Variants in DIMT1 observed in about 807,000 individuals in gnomAD.
DIMT1 encodes the protein dimethyladenosine transferase.
In DIMT1, 36 loss-of-function variants were observed where a neutral mutation model predicts 43.2. The observed-to-expected ratio is 0.83, with a 90% confidence interval of 0.64 to 1.10. The LOEUF (loss-of-function observed/expected upper bound fraction) is 1.10. Ranked by LOEUF, DIMT1 falls within the 50% of genes least tolerant of loss-of-function variation. The pLI is 0.00. For missense variants in DIMT1, 341 were observed against 385.3 expected, an observed-to-expected ratio of 0.88 and a Z score of 0.96; for synonymous variants, 126 against 130.3, an observed-to-expected ratio of 0.97 and a Z score of 0.22.
chr5:62,389,157 T>C (rs1292776942), intron 11 of DIMT1, 105 bp from the exon 12 acceptor site: 2 of 977,696 alleles, frequency 2.0e-6, no homozygotes, highest in Non-Finnish European at 3.1e-6. Context: ...ACAGCATGCT[T>C]ACAGAGCCCA....
At chr5:62,393,071 TAATATATACAATTGAAGG>T in intron 8 of DIMT1, 81 bp from the exon 9 acceptor site, 1 of 884,430 alleles carries the variant, frequency 1.1e-6, no homozygotes, top group Non-Finnish European at 1.8e-6. Flanking sequence ...TTTTGTCTTT[TAATATATACAATTGAAGG>T]AAACTTTCTG....
chr5:62,392,070 T>C (rs1340332717), intron 10 of DIMT1, 101 bp downstream of exon 10: 8 of 1,601,920 alleles, frequency 5.0e-6, no homozygotes, highest in South Asian at 1.1e-5. Context: ...AAGGATCTTA[T>C]GGAATGTACA....
rs16890718 is a variant in DIMT1 at position 62,391,836 on chromosome 5, T to C, written c.792+335A>G. The C allele has an allele frequency of 3.2e-3, 4,631 of 1,455,492 alleles. 129 individuals carry two copies. In the African/African-American group the frequency reaches 0.059, roughly 19 times the overall value. The allele number at this position is 1,455,492 out of a possible 1,614,324, so 90.2% of individuals were successfully genotyped here. A position where few individuals can be genotyped will look rare whatever the true frequency, so the allele number is the denominator to read the frequency against. On this transcript the variant is annotated intron_variant, in intron 10 of 11. Transcript: ENST00000199320. Reference sequence around the variant, plus strand: ...GGTCACAATTCAGAGGACAGTAAACTACACAATTATTTTAAGTTGTGCAAG... The same window carrying C: ...GGTCACAATTCAGAGGACAGTAAACCACACAATTATTTTAAGTTGTGCAAG...
rs774909142 is a variant in DIMT1 at position 62,403,808 on chromosome 5, AAGG to A, written c.-39_-37del. 2.0e-5 allele frequency: 32 copies of A among 1,599,318 alleles called. No homozygotes were observed. Among genetic ancestry groups the A allele is most frequent in the Non-Finnish European group, 2.6e-5 (31 of 1,172,950 alleles). ...AGCGGGCCCACAGGCCCGGGACGTCAAGGAGGACCAAAGAGGGCTAGCGTGAGA... is the reference window on the plus strand; with the variant it reads ...AGCGGGCCCACAGGCCCGGGACGTCAAGGACCAAAGAGGGCTAGCGTGAGA... On this transcript the variant is annotated 5_prime_UTR_variant, in exon 1 of 12. Coordinates refer to ENST00000199320, the MANE Select transcript of DIMT1 (RefSeq NM_014473.4).
intron 11 of DIMT1, among the ~76,000 whole-genome samples, chr5:62,389,532 A>G (rs190295071): frequency 3.7e-4 from 56 of 150,612 alleles, no homozygotes; most frequent in Non-Finnish European, 1.3e-4. Flanking sequence ...AATTTATAAG[A>G]TATGTATTGG....
At position 62,388,928 on chromosome 5, in the gene DIMT1, G is replaced by C; in HGVS notation, c.*82C>G. The C allele has an allele frequency of 7.6e-7, 1 of 1,320,456 alleles. No homozygotes were observed. The highest frequency in any genetic ancestry group is 1.1e-6 in the Non-Finnish European group (1 of 933,478). 81.8% of individuals were successfully genotyped at this position (1,320,456 alleles called of 1,614,324 possible). A position where few individuals can be genotyped will look rare whatever the true frequency, so the allele number is the denominator to read the frequency against. On this transcript the variant is annotated 3_prime_UTR_variant, in exon 12 of 12. Coordinates refer to ENST00000199320, the MANE Select transcript of DIMT1 (RefSeq NM_014473.4). Reference sequence around the variant, plus strand: ...GTCAAGTAAATAATGTCTCAGTAAAGCAAAAGCATTATCTTCTCAAATACA... The same window carrying C: ...GTCAAGTAAATAATGTCTCAGTAAACCAAAAGCATTATCTTCTCAAATACA...
At chr5:62,399,249 C>A (rs1037317623) in intron 3 of DIMT1, among the ~76,000 whole-genome samples, 1 of 152,064 alleles carries the variant, frequency 6.6e-6, no homozygotes, top group Non-Finnish European at 1.5e-5. Flanking sequence ...GGCAGATCAC[C>A]TGAGGTCAGG....
In DIMT1 at chr5:62,403,679, C is replaced by CGCGG; in HGVS notation, c.79+11_79+14dup. 1 of 1,602,608 alleles carries CGCGG rather than the reference C, an allele frequency of 6.2e-7. No homozygotes were observed. The highest frequency in any genetic ancestry group is 8.5e-7 in the Non-Finnish European group (1 of 1,175,512). On this transcript the variant is annotated intron_variant, in intron 1 of 11. Coordinates refer to ENST00000199320, the MANE Select transcript of DIMT1 (RefSeq NM_014473.4). The stretch of plus-strand genomic sequence containing the variant: ...CTGACCCGACCGACCCCAGCTTCCT[C>CGCGG]GCGGGGATCCGCACCTCCAGCGCTC...
intron 9 of DIMT1, 57 bp downstream of exon 9, chr5:62,392,869 T>C: frequency 8.0e-7 from 1 of 1,249,356 alleles, no homozygotes; most frequent in Non-Finnish European, 1.2e-6. Context: ...GACCAAATTC[T>C]AGCATAGTAT....
chr5:62,394,378 C>G, intron 7 of DIMT1, 106 bp downstream of exon 7: 1 of 1,238,518 alleles, frequency 8.1e-7, no homozygotes, highest in Middle Eastern at 2.0e-4. Flanking sequence ...GAGAAGATTG[C>G]TTGAGTATGG....
At chr5:62,400,819 C>T (rs543665075) in intron 3 of DIMT1, among the ~76,000 whole-genome samples, 34 of 152,216 alleles carry the variant, frequency 2.2e-4, no homozygotes, top group Non-Finnish European at 4.6e-4. Flanking sequence ...AGTGAAGTGG[C>T]AGGATCATGG....
rs766058886 is a variant in DIMT1 at position 62,402,063 on chromosome 5, A to G, written c.213T>C (p.Thr71=). Reference sequence around the variant, plus strand: ...TTTTTGCCTTTTCTAACAACTTTACAGTCATGTTGCCAGTTCCAGGTCCAA... The same window carrying G: ...TTTTTGCCTTTTCTAACAACTTTACGGTCATGTTGCCAGTTCCAGGTCCAA... ...LEVGPGTGNM[T]VKLLEKAKKV... The change falls in exon 3 of 12, where the codon ACT becomes ACC. Residue 71 remains threonine, a synonymous_variant. Transcript: ENST00000199320. 8 of 1,613,960 alleles carry G rather than the reference A, an allele frequency of 5.0e-6. No homozygotes were observed. The South Asian group carries it at 7.7e-5, about 16-fold the overall frequency.
At chr5:62,389,875 G>A (rs919171072) in intron 11 of DIMT1, among the ~76,000 whole-genome samples, 4 of 152,154 alleles carry the variant, frequency 2.6e-5, no homozygotes, top group South Asian at 4.1e-4. Flanking sequence ...AAGAAAAAGA[G>A]AAAATATTTC....
At position 62,393,940 on chromosome 5, in the gene DIMT1, G is replaced by C. The variant is rs762511616; in HGVS notation, c.663+15C>G. On this transcript the variant is annotated intron_variant, in intron 8 of 11. Transcript: ENST00000199320. ...TTTTTTTCCTTTATTGAATGAGCTA[G>C]TATTTTAACCTCACCTGAAAATTGA... 1 of 1,597,336 alleles carries C rather than the reference G, an allele frequency of 6.3e-7. No homozygotes were observed. The highest frequency in any genetic ancestry group is 8.5e-7 in the Non-Finnish European group (1 of 1,175,378).
chr5:62,398,111 T>C (rs1232782507), intron 6 of DIMT1, among the ~76,000 whole-genome samples: 1 of 152,140 alleles, frequency 6.6e-6, no homozygotes, highest in African/African-American at 2.4e-5. Flanking sequence ...GCTCAGTTAG[T>C]ACAGAGTTTA....
chr5:62,397,477 TG>T (rs1742538263), intron 6 of DIMT1, among the ~76,000 whole-genome samples: 1 of 152,242 alleles, frequency 6.6e-6, no homozygotes, highest in South Asian at 2.1e-4. Flanking sequence ...CTATTGTTTG[TG>T]CTGTTGAATG....
chr5:62,392,224 C>T lies in DIMT1; in HGVS notation c.739G>A (p.Val247Met), dbSNP rs780022009. ...TAGTTTTTTTCCAAGAGTTGTTGCA[C>T]TGCACTTGATCTATAGCATAAAGAA... is the stretch of plus-strand genomic sequence containing the variant. ...TLSAAFKSSA[V>M]QQLLEKNYRI... The change falls in exon 10 of 12, where the codon GTG becomes ATG. Residue 247 changes from valine to methionine, a missense_variant. Transcript: ENST00000199320. 9 of 1,613,320 alleles carry T rather than the reference C, an allele frequency of 5.6e-6. No individual in the cohort carries two copies. The African/African-American group carries it at 1.2e-4, about 22-fold the overall frequency.
chr5:62,401,832 C>G (rs1356533276), intron 3 of DIMT1, among the ~76,000 whole-genome samples: 1 of 151,918 alleles, frequency 6.6e-6, no homozygotes, highest in Non-Finnish European at 1.5e-5. Context: ...CCACCTGCCT[C>G]GGCCTCCCAA....
rs776396424 is a variant in DIMT1, at chr5:62,403,284, T to C, written c.142A>G (p.Ile48Val). 2.5e-6 allele frequency: 4 copies of C among 1,613,388 alleles called. No homozygotes were observed. The highest frequency in any genetic ancestry group is 1.1e-5 in the South Asian group (1 of 91,058). ...TCTTCCACACCCACCTTATCGATAA[T>C]GCTGTTAATAATGAGAGGATTTTTC... is the stretch of plus-strand genomic sequence containing the variant. ...ILKNPLIINS[I>V]IDKAALRPTD... Residue 48 changes from isoleucine (I) to valine (V), a missense_variant, in exon 2 of 12, where the codon ATT (isoleucine) becomes GTT (valine). Transcript: ENST00000199320.
Sources: gnomAD v4.1 joint callset for allele counts (sites outside exome capture counted in the v4.1 genomes callset) on GRCh38, gnomAD v4.1.1 for gene constraint, MANE v1.5 for transcripts, NCBI Gene and HGNC (gene_info 2026-07-23, HGNC 2026-07-21) for gene names.